Variants in KHDRBS3 observed in about 807,000 individuals in gnomAD.
The protein encoded by KHDRBS3 is KH RNA binding domain containing, signal transduction associated 3, also known as KH domain-containing, RNA-binding, signal transduction-associated protein 3.
A neutral mutation model predicts 45.6 loss-of-function variants in KHDRBS3; 23 were observed. The observed-to-expected ratio is 0.50, with a 90% CI of 0.36 to 0.72. The LOEUF is 0.72. KHDRBS3 is among the 30% of genes least tolerant of loss of function. KHDRBS3 has a pLI of 0.00. For synonymous variants in KHDRBS3, 162 were observed against 156.5 expected (o/e 1.04, Z -0.26); for missense variants, 352 against 424.8 (o/e 0.83, Z 1.51).
intron 7 of KHDRBS3, among the ~76,000 whole-genome samples, chr8:135,610,649 A>G (rs1829671199): frequency 6.6e-6 from 1 of 151,930 alleles, no homozygotes; most frequent in South Asian, 2.1e-4. Flanking sequence ...TCATAAGAAG[A>G]CTATGCTAAA....
At chr8:135,470,962 CA>C (rs1383429557) in intron 1 of KHDRBS3, among the ~76,000 whole-genome samples, 2 of 152,152 alleles carry the variant, frequency 1.3e-5, no homozygotes, top group Non-Finnish European at 2.9e-5. Flanking sequence ...TCAGTTTCTT[CA>C]TCTGTAAAAT....
chr8:135,508,096 C>T (rs1026410389), intron 1 of KHDRBS3, among the ~76,000 whole-genome samples: 28 of 152,104 alleles, frequency 1.8e-4, no homozygotes, highest in African/African-American at 6.3e-4. Flanking sequence ...TACTCTGAGC[C>T]TTTACTGTGT....
chr8:135,458,574 C>T (rs1821248105), intron 1 of KHDRBS3: 2 of 313,730 alleles, frequency 6.4e-6, no homozygotes, highest in Non-Finnish European at 1.2e-5. Flanking sequence ...ACAGCCCTGG[C>T]GGGGCAGTCA....
chr8:135,545,809 C>A (rs1447781486), intron 3 of KHDRBS3, among the ~76,000 whole-genome samples: 1 of 152,128 alleles, frequency 6.6e-6, no homozygotes, highest in Non-Finnish European at 1.5e-5. Flanking sequence ...CTGAGGGTGA[C>A]CACAGATGAT....
intron 7 of KHDRBS3, among the ~76,000 whole-genome samples, chr8:135,619,584 GGTT>G (rs1033361139): frequency 9.2e-5 from 14 of 152,172 alleles, no homozygotes; most frequent in Non-Finnish European, 1.6e-4. Flanking sequence ...GACCTCATGG[GGTT>G]GTTGTAAAGT....
intron 7 of KHDRBS3, among the ~76,000 whole-genome samples, chr8:135,637,458 T>C (rs1263165390): frequency 1.3e-5 from 2 of 152,232 alleles, no homozygotes; most frequent in East Asian, 1.9e-4. Context: ...AGGTGTTAGC[T>C]GAAGTCTTAA....
At chr8:135,568,150 G>A (rs960545348) in intron 5 of KHDRBS3, among the ~76,000 whole-genome samples, 1 of 152,136 alleles carries the variant, frequency 6.6e-6, no homozygotes, top group African/African-American at 2.4e-5. Flanking sequence ...TTAATTTAAA[G>A]AATATTAAAA....
chr8:135,489,608 G>A (rs1366701225), intron 1 of KHDRBS3, among the ~76,000 whole-genome samples: 1 of 152,092 alleles, frequency 6.6e-6, no homozygotes, highest in Admixed American at 6.6e-5. Flanking sequence ...AACTCAAAAG[G>A]TAGAGGTTGC....
chr8:135,480,192 C>T (rs1822493805), intron 1 of KHDRBS3, among the ~76,000 whole-genome samples: 1 of 152,032 alleles, frequency 6.6e-6, no homozygotes. Flanking sequence ...TATATGAAAA[C>T]CCACAGGTAC....
intron 5 of KHDRBS3, 96 bp from the exon 6 acceptor site, chr8:135,581,782 A>G: frequency 1.0e-6 from 1 of 986,664 alleles, no homozygotes; most frequent in Admixed American, 2.8e-5. Context: ...ACAAAAATAT[A>G]GAACATTGAT....
chr8:135,511,273 T>C (rs558143755), intron 1 of KHDRBS3, among the ~76,000 whole-genome samples: 1 of 152,312 alleles, frequency 6.6e-6, no homozygotes, highest in Admixed American at 6.5e-5. Flanking sequence ...TTTGCAGCAG[T>C]GTTGCAGAGA....
At chr8:135,569,246 C>G (rs1287006658) in intron 5 of KHDRBS3, among the ~76,000 whole-genome samples, 2 of 151,788 alleles carry the variant, frequency 1.3e-5, no homozygotes, top group Admixed American at 6.6e-5. Context: ...TAAGAAATAC[C>G]AAACCTGTAT....
intron 7 of KHDRBS3, among the ~76,000 whole-genome samples, chr8:135,630,423 CT>C (rs913102245): frequency 2.5e-3 from 384 of 151,670 alleles, no homozygotes; most frequent in African/African-American, 8.8e-3. Context: ...ACCAAACCTA[CT>C]TTTTTTTTCT....
intron 5 of KHDRBS3, among the ~76,000 whole-genome samples, chr8:135,564,306 C>T (rs567727690): frequency 6.6e-6 from 1 of 152,030 alleles, no homozygotes; most frequent in African/African-American, 2.4e-5. Context: ...GTGACAGTGT[C>T]CCATCTGATC....
At chr8:135,654,681 A>G (rs10110397) in intron 4 of KHDRBS3, among the ~76,000 whole-genome samples, 127,807 of 152,146 alleles carry the variant, frequency 0.84, 53,954 homozygotes, top group East Asian at 0.98. Flanking sequence ...TGGTCTCCTC[A>G]CATTCCTGGA....
chr8:135,555,778 T>C (rs1429436977), intron 4 of KHDRBS3, among the ~76,000 whole-genome samples: 2 of 152,320 alleles, frequency 1.3e-5, no homozygotes, highest in East Asian at 3.9e-4. Flanking sequence ...CTGGGTTACA[T>C]GTGCAGAACG....
chr8:135,477,105 C>T (rs1822327573), intron 1 of KHDRBS3, among the ~76,000 whole-genome samples: 1 of 152,048 alleles, frequency 6.6e-6, no homozygotes, highest in African/African-American at 2.4e-5. Context: ...TTTTCCAGAT[C>T]TTTTCATATA....
intron 1 of KHDRBS3, among the ~76,000 whole-genome samples, chr8:135,484,434 G>A (rs913767258): frequency 6.6e-6 from 1 of 152,186 alleles, no homozygotes; most frequent in African/African-American, 2.4e-5. Flanking sequence ...CGCCGGCTGT[G>A]CCTGGCAGCC....
intron 1 of KHDRBS3, among the ~76,000 whole-genome samples, chr8:135,477,451 A>G (rs549137233): frequency 5.3e-5 from 8 of 152,350 alleles, no homozygotes; most frequent in South Asian, 2.1e-4. Flanking sequence ...TTCTGACATA[A>G]TAAGTAAACA....
Sources: allele counts gnomAD v4.1 joint callset (sites outside exome capture counted in the v4.1 genomes callset), GRCh38; gene constraint gnomAD v4.1.1; transcripts MANE v1.5; gene names NCBI Gene and HGNC (gene_info 2026-07-23, HGNC 2026-07-21).